The following ARHGEF28 variants were observed in gnomAD, a reference collection of about 807,000 sequenced individuals.
ARHGEF28 encodes Rho guanine nucleotide exchange factor 28.
In ARHGEF28, 152 loss-of-function variants were observed where a neutral mutation model predicts 206.6. That is an observed-to-expected ratio of 0.74 (90% confidence interval 0.64 to 0.84). The LOEUF (loss-of-function observed/expected upper bound fraction) is 0.84. ARHGEF28 is among the 40% of genes least tolerant of loss of function. The pLI, the probability that ARHGEF28 is intolerant of heterozygous loss-of-function variation, is 0.00. For missense variants in ARHGEF28, 2,028 were observed against 2,073.2 expected (o/e 0.98, Z 0.42); for synonymous variants, 763 against 776.4 (o/e 0.98, Z 0.29).
chr5:73,782,794 C>T (rs1337259867), intron 7 of ARHGEF28, among the ~76,000 whole-genome samples: 1 of 152,172 alleles, frequency 6.6e-6, no homozygotes, highest in Non-Finnish European at 1.5e-5. Context: ...TGGCTCAGCT[C>T]ACTTTTACTG....
At chr5:73,677,093 G>A (rs1311777825) in intron 1 of ARHGEF28, among the ~76,000 whole-genome samples, 2 of 152,300 alleles carry the variant, frequency 1.3e-5, no homozygotes, top group East Asian at 3.9e-4. Flanking sequence ...CTCTAAATAT[G>A]GAATGATTAG....
intron 1 of ARHGEF28, among the ~76,000 whole-genome samples, chr5:73,630,161 A>T (rs1743272925): frequency 6.6e-6 from 1 of 152,220 alleles, no homozygotes; most frequent in African/African-American, 2.4e-5. Context: ...TAATAAATAG[A>T]TGAAGCGTAT....
At position 73,910,487 on chromosome 5, in the gene ARHGEF28, C is replaced by G. The variant is rs192011876; in HGVS notation, c.4647+590C>G. Reference sequence around the variant, plus strand: ...TTACCCTAAGGAACAAACACAGAATCAAGTTGTCCTAGAAAGGCCAGGGTG... The same window carrying G: ...TTACCCTAAGGAACAAACACAGAATGAAGTTGTCCTAGAAAGGCCAGGGTG... On this transcript the variant is annotated intron_variant, in intron 34 of 35. Transcript: ENST00000513042. Among the ~76,000 whole-genome samples, 130 of 148,240 alleles carry G rather than the reference C, an allele frequency of 8.8e-4. No individual in the cohort carries two copies. In the Middle Eastern group the frequency reaches 0.014, roughly 16 times the overall value.
chr5:73,638,121 A>G (rs1263279065), intron 1 of ARHGEF28, among the ~76,000 whole-genome samples: 1 of 152,192 alleles, frequency 6.6e-6, no homozygotes, highest in Non-Finnish European at 1.5e-5. Context: ...TAAAACTATT[A>G]TTTTTTGAAC....
At chr5:73,807,484 A>G (rs544814816) in intron 9 of ARHGEF28, among the ~76,000 whole-genome samples, 1 of 146,050 alleles carries the variant, frequency 6.8e-6, no homozygotes, top group Non-Finnish European at 1.5e-5. Context: ...TGACAATGTA[A>G]TTCTTTTTTT....
At chr5:73,683,311 C>G (rs1470082376) in intron 1 of ARHGEF28, among the ~76,000 whole-genome samples, 1 of 152,160 alleles carries the variant, frequency 6.6e-6, no homozygotes, top group Non-Finnish European at 1.5e-5. Flanking sequence ...ACACTTTCAT[C>G]TATGCAAAAC....
intron 7 of ARHGEF28, among the ~76,000 whole-genome samples, chr5:73,781,824 C>T (rs1345144299): frequency 1.3e-5 from 2 of 152,042 alleles, no homozygotes; most frequent in African/African-American, 4.8e-5. Context: ...TTTAATTAGA[C>T]ATGAAGATAA....
At chr5:73,758,690 G>GTC (rs1752440826) in intron 4 of ARHGEF28, among the ~76,000 whole-genome samples, 38 of 152,174 alleles carry the variant, frequency 2.5e-4, no homozygotes, top group Admixed American at 2.4e-3. Flanking sequence ...TGAGTAGCTG[G>GTC]GATTACAGGT....
At chr5:73,859,762 G>GT (rs1224034705) in intron 16 of ARHGEF28, among the ~76,000 whole-genome samples, 1 of 152,082 alleles carries the variant, frequency 6.6e-6, no homozygotes. Context: ...TGTTTCCTAG[G>GT]TTGTTGTTCC....
At chr5:73,883,704 C>A (rs1761092074) in intron 23 of ARHGEF28, 63 bp from the exon 24 acceptor site, 1 of 1,042,304 alleles carries the variant, frequency 9.6e-7, no homozygotes, top group Non-Finnish European at 1.4e-6. Flanking sequence ...TGTATTGTTA[C>A]ATTCACACCT....
At chr5:73,820,635 C>T (rs1756522840) in intron 9 of ARHGEF28, among the ~76,000 whole-genome samples, 1 of 152,146 alleles carries the variant, frequency 6.6e-6, no homozygotes, top group Non-Finnish European at 1.5e-5. Context: ...CCTACAGAAA[C>T]CTTGGACTCT....
chr5:73,882,143 C>T (rs1760995131), intron 22 of ARHGEF28, among the ~76,000 whole-genome samples: 1 of 151,902 alleles, frequency 6.6e-6, no homozygotes, highest in African/African-American at 2.4e-5. Flanking sequence ...TTCTTTCAAT[C>T]TATAAAAGTA....
chr5:73,678,669 C>A (rs536101842), intron 1 of ARHGEF28, among the ~76,000 whole-genome samples: 6 of 152,048 alleles, frequency 3.9e-5, no homozygotes, highest in Non-Finnish European at 1.5e-5. Context: ...GCTTGCCACA[C>A]GCCACAGGCT....
At chr5:73,858,266 C>G in intron 16 of ARHGEF28, 47 bp downstream of exon 16, 1 of 1,525,458 alleles carries the variant, frequency 6.6e-7, no homozygotes, top group Non-Finnish European at 8.8e-7. Flanking sequence ...CATCTCCTGA[C>G]AGTAACCTTG....
chr5:73,810,596 A>G (rs566623850), intron 9 of ARHGEF28, among the ~76,000 whole-genome samples: 14 of 152,308 alleles, frequency 9.2e-5, no homozygotes, highest in Admixed American at 3.3e-4. Context: ...TAAAACTTCA[A>G]TAGGCATGAG....
chr5:73,686,213 A>G (rs1747459624), intron 2 of ARHGEF28, among the ~76,000 whole-genome samples: 1 of 152,252 alleles, frequency 6.6e-6, no homozygotes, highest in East Asian at 1.9e-4. Context: ...TAAAGATTAA[A>G]AAAAAGGCTG....
chr5:73,657,212 A>G (rs1011811453), intron 1 of ARHGEF28, among the ~76,000 whole-genome samples: 1 of 149,392 alleles, frequency 6.7e-6, no homozygotes, highest in South Asian at 2.1e-4. Context: ...GGACTCTTCA[A>G]TTGCATGTTT....
At position 73,909,652 on chromosome 5, in the gene ARHGEF28, A is replaced by T; in HGVS notation, c.4402A>T (p.Arg1468Trp). The change falls in exon 34 of 36, where the codon AGG becomes TGG. Residue 1468 changes from arginine (R) to tryptophan (W), a missense_variant. Arg to Trp is a moderately radical substitution (Grantham distance 101, BLOSUM62 -3). This residue lies in a region of ARHGEF28 where 803 missense variants were observed against 768.0 expected (regional missense o/e 1.05). Coordinates refer to ENST00000513042, the MANE Select transcript of ARHGEF28 (RefSeq NM_001177693.2). ...CEQQQRAQAT[R>W]ESWLQERERE... ...GCAGCAGCAGCGGGCGCAGGCGACC[A>T]GGGAGAGCTGGCTGCAGGAGCGGGA... 1 of 1,546,684 alleles carries T rather than the reference A, an allele frequency of 6.5e-7. No individual in the cohort carries two copies.
intron 4 of ARHGEF28, among the ~76,000 whole-genome samples, chr5:73,764,193 A>C (rs961457456): frequency 2.6e-5 from 4 of 152,230 alleles, no homozygotes; most frequent in Admixed American, 6.5e-5. Context: ...TTTCCATTTC[A>C]TTCTAGCTGT....
Sources: allele counts gnomAD v4.1 joint callset (sites outside exome capture counted in the v4.1 genomes callset), GRCh38; gene constraint gnomAD v4.1.1; regional missense constraint gnomAD v4.1.1; transcripts MANE v1.5; gene names NCBI Gene and HGNC (gene_info 2026-07-23, HGNC 2026-07-21).